CEP85: variants seen among roughly 807,000 people sequenced by gnomAD.
The protein encoded by CEP85 is centrosomal protein 85, also known as centrosomal protein of 85 kDa.
Under a neutral mutation model 93.7 loss-of-function variants are expected in CEP85, and 58 were observed. The observed-to-expected ratio is 0.62, with a 90% CI of 0.50 to 0.77. The LOEUF (loss-of-function observed/expected upper bound fraction) is 0.77, where lower values mean the gene tolerates loss of function less well. Ranked by LOEUF, CEP85 falls within the 30% of genes least tolerant of loss-of-function variation. CEP85 has a pLI of 0.00. For synonymous variants in CEP85, 314 were observed against 338.6 expected, an observed-to-expected ratio of 0.93 and a Z score of 0.80; for missense variants, 868 against 922.0, an observed-to-expected ratio of 0.94 and a Z score of 0.76.
chr1:26,247,405 G>T (rs1259328273), intron 3 of CEP85, among the ~76,000 whole-genome samples: 3 of 151,614 alleles, frequency 2.0e-5, no homozygotes, highest in South Asian at 2.1e-4. Flanking sequence ...TCTTAAATAG[G>T]TATGAGCTGA....
chr1:26,258,395 C>T (rs754307876), intron 6 of CEP85, 135 bp downstream of exon 6: 62 of 665,532 alleles, frequency 9.3e-5, no homozygotes, highest in Non-Finnish European at 1.6e-4. Flanking sequence ...AGAGGGCATA[C>T]TAATTATAAA....
chr1:26,277,934 A>G lies in CEP85; in HGVS notation c.*641A>G, dbSNP rs1295475411. 1 of 152,766 alleles carries G rather than the reference A, an allele frequency of 6.5e-6. No individual in the cohort carries two copies. The highest frequency in any genetic ancestry group is 1.5e-5 in the Non-Finnish European group (1 of 68,172). The allele number at this position is 152,766 out of a possible 1,614,324, so 9.5% of individuals were successfully genotyped here. A position where few individuals can be genotyped will look rare whatever the true frequency, so the allele number is the denominator to read the frequency against. On this transcript the variant is annotated 3_prime_UTR_variant, in exon 14 of 14. Coordinates refer to ENST00000451429, the MANE Select transcript of CEP85 (RefSeq NM_001319944.2). ...AATCTGCCTACCATGCCATTTAACA[A>G]GAGATCCCACTCTCCAGCTGCCTTG...
chr1:26,259,941 G>A (rs947509436), intron 7 of CEP85, 139 bp downstream of exon 7: 22 of 652,882 alleles, frequency 3.4e-5, no homozygotes, highest in Middle Eastern at 4.3e-4. Flanking sequence ...ACACAGAATC[G>A]TCACAGATCT....
At chr1:26,273,439 CA>C (rs2090007300) in intron 11 of CEP85, among the ~76,000 whole-genome samples, 1 of 152,146 alleles carries the variant, frequency 6.6e-6, no homozygotes, top group South Asian at 2.1e-4. Context: ...TCAAGCCTGG[CA>C]AGCATTTTAA....
intron 12 of CEP85, among the ~76,000 whole-genome samples, 172 bp from the exon 13 acceptor site, chr1:26,276,363 G>A (rs2090052164): frequency 6.6e-6 from 1 of 152,170 alleles, no homozygotes; most frequent in South Asian, 2.1e-4. Context: ...GAAGAACCAG[G>A]CCTGATACTG....
chr1:26,275,385 A>G (rs995080161), intron 12 of CEP85, among the ~76,000 whole-genome samples: 12 of 151,078 alleles, frequency 7.9e-5, no homozygotes, highest in Non-Finnish European at 1.6e-4. Flanking sequence ...GGTTCAAGCG[A>G]TTCCCCTGCC....
chr1:26,235,285 G>C (rs2089307741), intron 1 of CEP85, among the ~76,000 whole-genome samples: 1 of 152,186 alleles, frequency 6.6e-6, no homozygotes, highest in Non-Finnish European at 1.5e-5. Context: ...GATGAAGCTA[G>C]CCAGGCCTCA....
rs1287824234 is a variant in CEP85, at chr1:26,276,531, T to C, written c.1903-4T>C. On this transcript the variant is annotated splice_region_variant and splice_polypyrimidine_tract_variant and intron_variant, in intron 12 of 13. Coordinates refer to ENST00000451429, the MANE Select transcript of CEP85 (RefSeq NM_001319944.2). ...TTAATGTGCTTACCCATCTGTCTGC[T>C]CAGCTTTCAGTGCAAAACCAGGACT... The C allele has an allele frequency of 3.1e-6, 5 of 1,613,174 alleles. No homozygotes were observed. The Admixed American group carries it at 6.7e-5, about 22-fold the overall frequency.
At chr1:26,238,189 A>T in intron 1 of CEP85, among the ~76,000 whole-genome samples, 1 of 136,462 alleles carries the variant, frequency 7.3e-6, no homozygotes. Context: ...TGTTCTGTGA[A>T]TTGTCCCAAA....
At position 26,277,557 on chromosome 1, in the gene CEP85, C is replaced by T; in HGVS notation, c.*264C>T. On this transcript the variant is annotated 3_prime_UTR_variant, in exon 14 of 14. Transcript: ENST00000451429. ...GGTACAACAGATAAGTCCTCACAAA[C>T]TGTTCCCAGCCCTAGGCTGACATGA... 2.9e-6 allele frequency: 1 copy of T among 349,908 alleles called. No individual in the cohort carries two copies. Among genetic ancestry groups the T allele is most frequent in the South Asian group, 3.8e-5 (1 of 26,660 alleles). The allele number at this position is 349,908 out of a possible 1,614,324, so 21.7% of individuals were successfully genotyped here.
chr1:26,268,349 TC>T, intron 7 of CEP85, 133 bp from the exon 8 acceptor site: 2 of 922,188 alleles, frequency 2.2e-6, no homozygotes, highest in Non-Finnish European at 3.4e-6. Flanking sequence ...TCCCAGCTAC[TC>T]CAGGGGCTGA....
chr1:26,270,753 T>A (rs2089962357), intron 9 of CEP85, among the ~76,000 whole-genome samples: 2 of 152,210 alleles, frequency 1.3e-5, no homozygotes, highest in Non-Finnish European at 2.9e-5. Flanking sequence ...TTTTTAAATA[T>A]CAAAACAAAA....
At chr1:26,236,757 A>C (rs539672965) in intron 1 of CEP85, among the ~76,000 whole-genome samples, 3 of 152,302 alleles carry the variant, frequency 2.0e-5, no homozygotes, top group African/African-American at 7.2e-5. Flanking sequence ...CTGGTTTTAA[A>C]CATTTTAGGT....
Position 26,276,637 on chromosome 1 carries a change from C to A in CEP85, c.2005C>A (p.Leu669Met), listed in dbSNP as rs754439837. 6.2e-7 allele frequency: 1 copy of A among 1,614,136 alleles called. No homozygotes were observed. The highest frequency in any genetic ancestry group is 8.5e-7 in the Non-Finnish European group (1 of 1,180,054). Residue 669 changes from leucine (L) to methionine (M), a missense_variant, in exon 13 of 14, where the codon CTG (leucine) becomes ATG (methionine). Transcript: ENST00000451429. Reference protein sequence around the residue: ...GSPPSPDTAQLALELHQELAS... With the variant: ...GSPPSPDTAQMALELHQELAS... ...TCCACCTTCACCAGACACGGCCCAG[C>A]TGGCACTTGAGCTGCACCAGGAGTT...
At chr1:26,239,402 A>T (rs1269343439) in intron 1 of CEP85, among the ~76,000 whole-genome samples, 1 of 152,060 alleles carries the variant, frequency 6.6e-6, no homozygotes, top group Non-Finnish European at 1.5e-5. Context: ...CCCAGGCTGG[A>T]GTGCAGTGGT....
chr1:26,236,494 C>G (rs1236431826), intron 1 of CEP85, among the ~76,000 whole-genome samples: 1 of 151,972 alleles, frequency 6.6e-6, no homozygotes, highest in Non-Finnish European at 1.5e-5. Flanking sequence ...CATTTTTATC[C>G]CAGGAAATTT....
chr1:26,238,910 A>G (rs774029395), intron 1 of CEP85, among the ~76,000 whole-genome samples: 12 of 152,226 alleles, frequency 7.9e-5, no homozygotes, highest in Non-Finnish European at 1.6e-4. Context: ...TTCCTAGCTC[A>G]GGATTGGAGT....
chr1:26,252,726 T>C (rs2124577741), intron 3 of CEP85, among the ~76,000 whole-genome samples: 1 of 152,262 alleles, frequency 6.6e-6, no homozygotes, highest in East Asian at 1.9e-4. Flanking sequence ...GGTTTTTGTT[T>C]TGTTACGTGT....
In CEP85 at chr1:26,255,446, C is replaced by G. The variant is rs767583947; in HGVS notation, c.484C>G (p.Gln162Glu). The change falls in exon 4 of 14, where the codon CAG becomes GAG. Residue 162 changes from glutamine (Q) to glutamate (E), a missense_variant. Gln to Glu is a conservative substitution (Grantham distance 29). Transcript: ENST00000451429. The stretch of plus-strand genomic sequence containing the variant: ...TGCTACTGGAGAAAATGGAATTGAG[C>G]AGTCCTGGTTTCCAGCAGTGGGCCA... ...SGATGENGIE[Q>E]SWFPAVGHER... 22 of 1,613,986 alleles carry G rather than the reference C, an allele frequency of 1.4e-5. No homozygotes were observed. In the Admixed American group the frequency reaches 3.7e-4, roughly 27 times the overall value.
Sources: allele counts gnomAD v4.1 joint callset (sites outside exome capture counted in the v4.1 genomes callset), GRCh38; gene constraint gnomAD v4.1.1; transcripts MANE v1.5; gene names NCBI Gene and HGNC (gene_info 2026-07-23, HGNC 2026-07-21).